MPRIP: variants seen among roughly 807,000 people sequenced by gnomAD.
MPRIP encodes myosin phosphatase Rho interacting protein.
Under a neutral mutation model 234.9 loss-of-function variants are expected in MPRIP, and 59 were observed. The ratio of observed to expected loss-of-function variants is 0.25; its 90% CI spans 0.20 to 0.31. The LOEUF (loss-of-function observed/expected upper bound fraction) is 0.31. Ranked by LOEUF, MPRIP falls within the 10% of genes least tolerant of loss-of-function variation. The probability of loss-of-function intolerance (pLI) is 1.00; values close to 1 mark genes in which losing one functional copy is unlikely to be tolerated. For missense variants in MPRIP, 2,436 were observed against 3,071.0 expected, an observed-to-expected ratio of 0.79 and a Z score of 4.89; for synonymous variants, 1,144 against 1,263.9, an observed-to-expected ratio of 0.91 and a Z score of 2.01.
At chr17:17,072,567 A>G (rs1208604983) in intron 1 of MPRIP, among the ~76,000 whole-genome samples, 2 of 152,052 alleles carry the variant, frequency 1.3e-5, no homozygotes, top group Non-Finnish European at 2.9e-5. Context: ...GTTGTTAGAG[A>G]CTGAGGGGGA....
chr17:17,046,862 T>A (rs1006967846), intron 1 of MPRIP, among the ~76,000 whole-genome samples: 7 of 152,228 alleles, frequency 4.6e-5, no homozygotes, highest in African/African-American at 1.7e-4. Context: ...TGAGTTCGAA[T>A]GAGTTACTGT....
rs777922685 is a variant in MPRIP at position 17,164,239 on chromosome 17, G to A, written c.2648G>A (p.Arg883His). Reference protein sequence around the residue: ...LITHQIQTLKRSYGEAKDTIR... With the variant: ...LITHQIQTLKHSYGEAKDTIR... ...ACACACCAGATTCAGACCCTGAAGC[G>A]TAGCTATGGGGAGGCCAAGGACACG... Residue 883 changes from arginine (R) to histidine (H), a missense_variant, in exon 16 of 24, where the codon CGT (arginine) becomes CAT (histidine). This residue lies in a region of MPRIP where 1,998 missense variants were observed against 2,520.3 expected (regional missense o/e 0.79). Transcript: ENST00000651222. 1.9e-5 allele frequency: 25 copies of A among 1,304,212 alleles called. 1 individual carries two copies. The Middle Eastern group carries it at 8.5e-4, about 44-fold the overall frequency. 80.8% of individuals were successfully genotyped at this position (1,304,212 alleles called of 1,614,324 possible).
At chr17:17,092,202 T>A (rs2089735210) in intron 3 of MPRIP, among the ~76,000 whole-genome samples, 1 of 152,260 alleles carries the variant, frequency 6.6e-6, no homozygotes, top group African/African-American at 2.4e-5. Context: ...GTGGGGCAGA[T>A]GGCTAGAGCC....
At position 17,166,134 on chromosome 17, in the gene MPRIP, G is replaced by A. The variant is rs1172034323; in HGVS notation, c.4543G>A (p.Ala1515Thr). The A allele has an allele frequency of 1.5e-6, 2 of 1,301,532 alleles. No individual in the cohort carries two copies. The highest frequency in any genetic ancestry group is 2.0e-6 in the Non-Finnish European group (2 of 987,424). 80.6% of individuals were successfully genotyped at this position (1,301,532 alleles called of 1,614,324 possible). The change falls in exon 16 of 24, where the codon GCC becomes ACC. Residue 1515 changes from alanine to threonine, a missense_variant. Physicochemically the swap from Ala to Thr is moderately conservative, Grantham distance 58. Transcript: ENST00000651222. This position sits in a 1 kb window ranked among gnomAD's most constrained non-coding sequence, Gnocchi z 4.4. ...CAGTGTGGAGAGTGCACTCGTCAGC[G>A]CCATCCAAGCCCTGCAGCACTGGCC... ...LASVESALVS[A>T]IQALQHWPAP...
chr17:17,173,843 C>T (rs1201219226), intron 18 of MPRIP, 73 bp from the exon 19 acceptor site: 4 of 1,574,070 alleles, frequency 2.5e-6, no homozygotes, highest in Middle Eastern at 1.7e-4. Context: ...TGTCTGGTGT[C>T]AAGGAGGGAC....
intron 17 of MPRIP, among the ~76,000 whole-genome samples, chr17:17,172,275 T>G (rs892316890): frequency 2.0e-5 from 3 of 152,264 alleles, no homozygotes; most frequent in Non-Finnish European, 4.4e-5. Flanking sequence ...CAGGTGGCCC[T>G]AAACAAGCAC....
At chr17:17,127,078 C>T (rs1020007400) in intron 4 of MPRIP, among the ~76,000 whole-genome samples, 2 of 152,232 alleles carry the variant, frequency 1.3e-5, no homozygotes, top group African/African-American at 4.8e-5. Context: ...GCTCTGGCCA[C>T]CTTACCCTCC....
intron 4 of MPRIP, 25 bp downstream of exon 4, chr17:17,126,878 A>G: frequency 6.2e-7 from 1 of 1,605,482 alleles, no homozygotes; most frequent in Non-Finnish European, 8.5e-7. Context: ...ACTGTGGAAC[A>G]AGGCACCACC....
intron 1 of MPRIP, among the ~76,000 whole-genome samples, chr17:17,073,572 A>C (rs951445861): frequency 5.3e-5 from 8 of 152,196 alleles, no homozygotes; most frequent in African/African-American, 1.9e-4. Context: ...TTGGCAGGCT[A>C]GCCTCTGGCC....
At chr17:17,140,896 G>T (rs9910857) in intron 7 of MPRIP, among the ~76,000 whole-genome samples, 2 of 151,924 alleles carry the variant, frequency 1.3e-5, no homozygotes, top group South Asian at 2.1e-4. Context: ...GCTGCAGGGT[G>T]CAGGCCCCGT....
Position 17,167,199 on chromosome 17 carries a change from T to G in MPRIP, c.5608T>G (p.Trp1870Gly). 1 of 1,304,084 alleles carries G rather than the reference T, an allele frequency of 7.7e-7. No homozygotes were observed. The highest frequency in any genetic ancestry group is 1.0e-6 in the Non-Finnish European group (1 of 988,940). 80.8% of individuals were successfully genotyped at this position (1,304,084 alleles called of 1,614,324 possible). A position where few individuals can be genotyped will look rare whatever the true frequency, so the allele number is the denominator to read the frequency against. The change falls in exon 16 of 24, where the codon TGG becomes GGG. Residue 1870 changes from tryptophan to glycine, a missense_variant. Around this residue, in one of 4 missense-constraint regions of MPRIP, gnomAD observed 1,998 missense variants for 2,520.3 expected, o/e 0.79. Coordinates refer to ENST00000651222, the MANE Select transcript of MPRIP (RefSeq NM_001364716.4). The surrounding 1 kb of genome is among the most constrained non-coding windows in gnomAD (Gnocchi z 5.9). ...EKELQLCKESWQTREPSCSEQ... is the reference protein window; with the variant it reads ...EKELQLCKESGQTREPSCSEQ... ...GGAGCTCCAGCTCTGCAAGGAGTCC[T>G]GGCAAACCCGGGAGCCCTCCTGCTC... is the stretch of plus-strand genomic sequence containing the variant.
intron 3 of MPRIP, among the ~76,000 whole-genome samples, chr17:17,085,395 G>A (rs1211886030): frequency 6.6e-6 from 1 of 152,204 alleles, no homozygotes; most frequent in African/African-American, 2.4e-5. Flanking sequence ...TGTTAATGGG[G>A]GAGGTAGCCC....
chr17:17,086,863 T>C (rs1258680997), intron 3 of MPRIP, among the ~76,000 whole-genome samples: 1 of 152,160 alleles, frequency 6.6e-6, no homozygotes, highest in African/African-American at 2.4e-5. Context: ...TCAAGATGGA[T>C]GTTCTCTGGA....
At chr17:17,086,266 G>A (rs964660453) in intron 3 of MPRIP, among the ~76,000 whole-genome samples, 1 of 152,130 alleles carries the variant, frequency 6.6e-6, no homozygotes, top group Non-Finnish European at 1.5e-5. Context: ...TTGAAGACAA[G>A]CCAAGGGTGT....
At chr17:17,077,884 C>A in intron 2 of MPRIP, 127 bp from the exon 3 acceptor site, 1 of 885,858 alleles carries the variant, frequency 1.1e-6, no homozygotes. Context: ...TGCCACCTGC[C>A]CCAGAAGTGG....
chr17:17,156,628 G>T (rs55881582), intron 13 of MPRIP, among the ~76,000 whole-genome samples: 12,953 of 152,250 alleles, frequency 0.085, 701 homozygotes, highest in Middle Eastern at 0.15. Flanking sequence ...GGAGCCTTGT[G>T]GGGAGGTTTC....
At chr17:17,103,094 C>T (rs2089995686) in intron 3 of MPRIP, among the ~76,000 whole-genome samples, 1 of 152,178 alleles carries the variant, frequency 6.6e-6, no homozygotes, top group East Asian at 1.9e-4. Flanking sequence ...GCCTTGTCTC[C>T]CTTGAGGCAG....
chr17:17,057,780 G>A, intron 1 of MPRIP: 1 of 706,202 alleles, frequency 1.4e-6, no homozygotes, highest in Non-Finnish European at 2.6e-6. Flanking sequence ...CACCCGAGGT[G>A]GCCCCTGAAG....
intron 1 of MPRIP, among the ~76,000 whole-genome samples, chr17:17,058,829 A>G (rs1334825319): frequency 1.3e-5 from 2 of 152,162 alleles, no homozygotes; most frequent in African/African-American, 4.8e-5. Context: ...AGATAGACTT[A>G]AAGGCAAGTT....
Sources: allele counts gnomAD v4.1 joint callset (sites outside exome capture counted in the v4.1 genomes callset), GRCh38; gene constraint gnomAD v4.1.1; regional missense constraint gnomAD v4.1.1; non-coding constraint Gnocchi (gnomAD v3.1); transcripts MANE v1.5; gene names NCBI Gene and HGNC (gene_info 2026-07-23, HGNC 2026-07-21).